Variants in RBMS3 observed in about 807,000 individuals in gnomAD.
The protein encoded by RBMS3 is RNA-binding motif, single-stranded-interacting protein 3.
A neutral mutation model predicts 66.8 loss-of-function variants in RBMS3; 27 were observed. The observed-to-expected ratio is 0.40, with a 90% CI of 0.30 to 0.56. The LOEUF (loss-of-function observed/expected upper bound fraction) is 0.56. Among genes scored for constraint, RBMS3 ranks in the 20% least tolerant of loss-of-function variants. The pLI is 0.40. For synonymous variants in RBMS3, 188 were observed against 183.0 expected (o/e 1.03, Z -0.22); for missense variants, 513 against 549.5 (o/e 0.93, Z 0.66).
rs76747936 is a variant in RBMS3 at position 29,722,944 on chromosome 3, C to A, written c.400-16776C>A. On this transcript the variant is annotated intron_variant, in intron 4 of 14. Coordinates refer to ENST00000383767, the MANE Select transcript of RBMS3 (RefSeq NM_001003793.3). The stretch of plus-strand genomic sequence containing the variant: ...GAGATTGATGTACATTTCCTAGTTC[C>A]TATCAGACTTTTACTCACTCTTTTT... Among the ~76,000 whole-genome samples, 1,449 of 151,964 alleles carry A rather than the reference C, an allele frequency of 9.5e-3. 28 individuals carry two copies. The highest frequency in any genetic ancestry group is 0.034 in the African/African-American group (1,395 of 41,444).
At chr3:29,994,286 C>T (rs891150061) in intron 14 of RBMS3, among the ~76,000 whole-genome samples, 17 of 152,318 alleles carry the variant, frequency 1.1e-4, no homozygotes, top group African/African-American at 1.7e-4. Flanking sequence ...CCTACCCCCA[C>T]GGAGTCTCGC....
At chr3:29,490,976 C>T (rs1018848357) in intron 3 of RBMS3, among the ~76,000 whole-genome samples, 9 of 152,092 alleles carry the variant, frequency 5.9e-5, no homozygotes, top group East Asian at 1.9e-4. Context: ...ATAACCGGAG[C>T]GGTCAATATG....
intron 1 of RBMS3, among the ~76,000 whole-genome samples, chr3:29,404,022 G>T (rs767133453): frequency 1.1e-4 from 16 of 152,088 alleles, no homozygotes; most frequent in Non-Finnish European, 1.6e-4. Flanking sequence ...TGAATATTCT[G>T]TACAGACACC....
chr3:29,625,700 G>GTACA (rs60565256), intron 4 of RBMS3, among the ~76,000 whole-genome samples: 2,909 of 139,988 alleles, frequency 0.021, 35 homozygotes, highest in Middle Eastern at 0.036. Context: ...CGCCATTAAA[G>GTACA]TAAATAAATA....
chr3:29,957,597 G>A (rs749749489), intron 12 of RBMS3, among the ~76,000 whole-genome samples: 1 of 152,118 alleles, frequency 6.6e-6, no homozygotes, highest in African/African-American at 2.4e-5. Flanking sequence ...ATGCTTATAT[G>A]AAATAATTTA....
At chr3:29,858,829 A>G (rs1437970187) in intron 6 of RBMS3, among the ~76,000 whole-genome samples, 1 of 152,176 alleles carries the variant, frequency 6.6e-6, no homozygotes, top group Non-Finnish European at 1.5e-5. Context: ...TGGTGTTTTA[A>G]TCTTTAAAAC....
At chr3:29,998,071 T>A (rs573783610) in intron 14 of RBMS3, among the ~76,000 whole-genome samples, 75 of 152,288 alleles carry the variant, frequency 4.9e-4, no homozygotes, top group African/African-American at 1.8e-3. Context: ...TTCAGCAAAG[T>A]CTCAGGATAC....
chr3:29,456,978 C>A (rs2042212711), intron 2 of RBMS3, among the ~76,000 whole-genome samples: 1 of 152,122 alleles, frequency 6.6e-6, no homozygotes, highest in Non-Finnish European at 1.5e-5. Context: ...TCTTGTAGGA[C>A]AGGTTGTATT....
At chr3:29,939,151 C>G (rs1003268855) in intron 11 of RBMS3, among the ~76,000 whole-genome samples, 1 of 151,906 alleles carries the variant, frequency 6.6e-6, no homozygotes. Flanking sequence ...TGCTAACATT[C>G]TCTTTTAAGG....
At chr3:29,501,112 T>C (rs186641759) in intron 3 of RBMS3, among the ~76,000 whole-genome samples, 234 of 152,266 alleles carry the variant, frequency 1.5e-3, no homozygotes, top group African/African-American at 5.1e-3. Flanking sequence ...TGAGAAGTAA[T>C]TTAAGATAAG....
At chr3:29,374,539 C>G (rs2038366733) in intron 1 of RBMS3, among the ~76,000 whole-genome samples, 1 of 152,086 alleles carries the variant, frequency 6.6e-6, no homozygotes, top group African/African-American at 2.4e-5. Flanking sequence ...AATAAATTAC[C>G]TAAGATATTC....
chr3:29,996,180 C>T (rs1168478234), intron 14 of RBMS3, among the ~76,000 whole-genome samples: 15 of 149,510 alleles, frequency 1.0e-4, no homozygotes, highest in South Asian at 2.1e-4. Context: ...AAGGCCATTA[C>T]ATAATGGTAA....
intron 6 of RBMS3, among the ~76,000 whole-genome samples, chr3:29,854,972 G>C (rs1446394690): frequency 6.6e-6 from 1 of 152,038 alleles, no homozygotes; most frequent in Non-Finnish European, 1.5e-5. Context: ...CCAGGAAAAT[G>C]GCCCTAAAAA....
At chr3:29,944,155 T>C in intron 11 of RBMS3, 52 bp from the exon 12 acceptor site, 1 of 1,497,550 alleles carries the variant, frequency 6.7e-7, no homozygotes, top group South Asian at 1.1e-5. Flanking sequence ...GATTCTATTT[T>C]ATTTTCTTTT....
intron 12 of RBMS3, among the ~76,000 whole-genome samples, chr3:29,965,519 A>G (rs958343668): frequency 6.6e-6 from 1 of 152,032 alleles, no homozygotes; most frequent in African/African-American, 2.4e-5. Flanking sequence ...GGCCATTTGT[A>G]TATCTTCTTT....
chr3:29,694,341 T>C (rs1427121031), intron 4 of RBMS3, among the ~76,000 whole-genome samples: 4 of 152,212 alleles, frequency 2.6e-5, no homozygotes, highest in African/African-American at 9.6e-5. Flanking sequence ...TGGAAGCCTT[T>C]GTCTATATAA....
At chr3:29,994,256 C>T (rs1699069768) in intron 14 of RBMS3, among the ~76,000 whole-genome samples, 1 of 152,192 alleles carries the variant, frequency 6.6e-6, no homozygotes, top group African/African-American at 2.4e-5. Context: ...AGATTATATC[C>T]CGCACCTGGC....
chr3:29,497,585 C>G (rs1559412571), intron 3 of RBMS3, among the ~76,000 whole-genome samples: 1 of 152,170 alleles, frequency 6.6e-6, no homozygotes, highest in Non-Finnish European at 1.5e-5. Flanking sequence ...AAGTCACCTT[C>G]TCAAAAAGTC....
intron 1 of RBMS3, among the ~76,000 whole-genome samples, chr3:29,394,839 G>A (rs907247305): frequency 2.0e-5 from 3 of 152,136 alleles, no homozygotes; most frequent in Non-Finnish European, 4.4e-5. Context: ...AGCCACAGTG[G>A]CCTCTTTGCC....
Sources: gnomAD v4.1 joint callset for allele counts (sites outside exome capture counted in the v4.1 genomes callset) on GRCh38, gnomAD v4.1.1 for gene constraint, MANE v1.5 for transcripts, NCBI Gene and HGNC (gene_info 2026-07-23, HGNC 2026-07-21) for gene names.